Variants in ZEB2 observed in about 807,000 individuals in gnomAD.
ZEB2 encodes the protein zinc finger E-box binding homeobox 2, also known as zinc finger E-box-binding homeobox 2.
Under a neutral mutation model 99.9 loss-of-function variants are expected in ZEB2, and 6 were observed. That is an observed-to-expected ratio of 0.06 (90% CI 0.03 to 0.12). The LOEUF is 0.12. Ranked by LOEUF, ZEB2 falls within the 10% of genes least tolerant of loss-of-function variation. ZEB2 has a pLI of 1.00. For missense variants in ZEB2, 969 were observed against 1,502.8 expected, an observed-to-expected ratio of 0.64 and a Z score of 5.87; for synonymous variants, 517 against 542.5, an observed-to-expected ratio of 0.95 and a Z score of 0.65.
At chr2:144,406,315 A>G (rs1217752324) in intron 4 of ZEB2, among the ~76,000 whole-genome samples, 1 of 152,212 alleles carries the variant, frequency 6.6e-6, no homozygotes, top group Non-Finnish European at 1.5e-5. Flanking sequence ...AAACAGTTCT[A>G]GGCTCATCCT....
chr2:144,476,304 G>A (rs1704429527), intron 2 of ZEB2, among the ~76,000 whole-genome samples: 1 of 152,104 alleles, frequency 6.6e-6, no homozygotes, highest in African/African-American at 2.4e-5. Flanking sequence ...ATGGCTTCAT[G>A]CTTCACTAAA....
chr2:144,493,927 C>T (rs1331146951), intron 2 of ZEB2, among the ~76,000 whole-genome samples: 1 of 151,818 alleles, frequency 6.6e-6, no homozygotes, highest in East Asian at 1.9e-4. Flanking sequence ...CCGAGGCGGG[C>T]GGATCACGAG....
At chr2:144,439,718 C>A (rs1013656510) in intron 2 of ZEB2, among the ~76,000 whole-genome samples, 4 of 152,152 alleles carry the variant, frequency 2.6e-5, no homozygotes, top group African/African-American at 9.7e-5. Context: ...AAAATAGGAG[C>A]CTTTTTGTTC....
intron 3 of ZEB2, chr2:144,429,183 C>T (rs1230525087): frequency 6.5e-6 from 1 of 152,928 alleles, no homozygotes. Context: ...AGAGTCCCAC[C>T]AAACAGCAGG....
chr2:144,488,338 T>C (rs931090224), intron 2 of ZEB2, among the ~76,000 whole-genome samples: 1 of 152,222 alleles, frequency 6.6e-6, no homozygotes, highest in African/African-American at 2.4e-5. Context: ...GAGATTTAAA[T>C]ACAGTGGAAC....
At chr2:144,479,227 A>G (rs1016939729) in intron 2 of ZEB2, among the ~76,000 whole-genome samples, 2 of 152,222 alleles carry the variant, frequency 1.3e-5, no homozygotes, top group African/African-American at 4.8e-5. Context: ...CTTGCATTTC[A>G]TTTGAACTTG....
In ZEB2 at chr2:144,389,740, T is replaced by C. The variant is rs137852983; in HGVS notation, c.3356A>G (p.Gln1119Arg). ...NRAYLQSITP[Q>R]GYSDSEERES... ...CCTCTCCTCCGAGTCAGAGTACCCC[T>C]GAGGGGTAATGCTCTGCAAGTAAGC... The change falls in exon 10 of 10, where the codon CAG becomes CGG. Residue 1119 changes from glutamine to arginine, a missense_variant. Physicochemically the swap from Gln to Arg is conservative, Grantham distance 43. Coordinates refer to ENST00000627532, the MANE Select transcript of ZEB2 (RefSeq NM_014795.4). The surrounding 1 kb of genome is among the most constrained non-coding windows in gnomAD (Gnocchi z 6.8). 6.2e-7 allele frequency: 1 copy of C among 1,611,738 alleles called. No homozygotes were observed. Among genetic ancestry groups the C allele is most frequent in the Non-Finnish European group, 8.5e-7 (1 of 1,178,516 alleles).
chr2:144,493,451 T>C (rs1339660235), intron 2 of ZEB2, among the ~76,000 whole-genome samples: 1 of 152,206 alleles, frequency 6.6e-6, no homozygotes, highest in Non-Finnish European at 1.5e-5. Flanking sequence ...CAGGGGCACA[T>C]GGCATGGAGA....
chr2:144,508,426 T>C (rs1423654096), intron 2 of ZEB2, among the ~76,000 whole-genome samples: 3 of 152,194 alleles, frequency 2.0e-5, no homozygotes, highest in African/African-American at 7.2e-5. Context: ...TGTAACAACA[T>C]AGCAAACACC....
rs748766289 is a variant in ZEB2 at position 144,519,978 on chromosome 2, G to C, written c.-109C>G. 2 of 454,400 alleles carry C rather than the reference G, an allele frequency of 4.4e-6. No homozygotes were observed. The highest frequency in any genetic ancestry group is 8.8e-6 in the Non-Finnish European group (2 of 226,786). 28.1% of individuals were successfully genotyped at this position (454,400 alleles called of 1,614,324 possible). A position where few individuals can be genotyped will look rare whatever the true frequency, so the allele number is the denominator to read the frequency against. ...TTGTAGTTTTGGCCAGAAATGGTGA[G>C]AAGAAAAAGCATGAAGAAGCCGCGA... On this transcript the variant is annotated 5_prime_UTR_variant, in exon 1 of 10. Transcript: ENST00000627532.
At chr2:144,512,870 G>A (rs772235374) in intron 2 of ZEB2, 99 of 1,287,018 alleles carry the variant, frequency 7.7e-5, no homozygotes, top group Admixed American at 2.1e-4. Context: ...TCTTTGGAGC[G>A]CCCTCAGAAC....
At chr2:144,419,757 G>A (rs1052459234) in intron 4 of ZEB2, among the ~76,000 whole-genome samples, 8 of 151,802 alleles carry the variant, frequency 5.3e-5, no homozygotes, top group South Asian at 2.1e-4. Context: ...TTTATCTTAC[G>A]TGTGAAAGCA....
intron 2 of ZEB2, among the ~76,000 whole-genome samples, chr2:144,503,050 C>A (rs1212763540): frequency 1.3e-5 from 2 of 152,072 alleles, no homozygotes; most frequent in African/African-American, 4.8e-5. Context: ...GACTTTCAAC[C>A]AATGATCAAA....
At chr2:144,416,786 A>G (rs1275869387) in intron 4 of ZEB2, among the ~76,000 whole-genome samples, 2 of 152,154 alleles carry the variant, frequency 1.3e-5, no homozygotes, top group Non-Finnish European at 2.9e-5. Flanking sequence ...CTTTGTCTTG[A>G]AGAAAGTCTT....
chr2:144,470,418 C>A (rs1407424940), intron 2 of ZEB2: 1 of 152,080 alleles, frequency 6.6e-6, no homozygotes, highest in Admixed American at 6.6e-5. Flanking sequence ...TATCAGCTCA[C>A]CTTCTAAACA....
At chr2:144,483,022 T>C (rs1704536680) in intron 2 of ZEB2, among the ~76,000 whole-genome samples, 1 of 151,844 alleles carries the variant, frequency 6.6e-6, no homozygotes, top group Non-Finnish European at 1.5e-5. Flanking sequence ...TTCATTCAAC[T>C]TAGAAAACAT....
intron 2 of ZEB2, among the ~76,000 whole-genome samples, chr2:144,433,932 T>C (rs959771821): frequency 5.3e-5 from 8 of 152,210 alleles, no homozygotes; most frequent in African/African-American, 1.9e-4. Flanking sequence ...TGGCCTATCA[T>C]AGCATTTAAA....
chr2:144,424,760 G>C, intron 4 of ZEB2, 36 bp downstream of exon 4: 1 of 1,612,944 alleles, frequency 6.2e-7, no homozygotes, highest in Non-Finnish European at 8.5e-7. Context: ...CATGACACAG[G>C]ACAAATGTGA....
intron 2 of ZEB2, among the ~76,000 whole-genome samples, chr2:144,480,203 T>C (rs1704490904): frequency 6.6e-6 from 1 of 152,196 alleles, no homozygotes; most frequent in Non-Finnish European, 1.5e-5. Context: ...AAAAACTTTT[T>C]AGAAAATAGG....
Sources: allele counts gnomAD v4.1 joint callset (sites outside exome capture counted in the v4.1 genomes callset), GRCh38; gene constraint gnomAD v4.1.1; non-coding constraint Gnocchi (gnomAD v3.1); transcripts MANE v1.5; gene names NCBI Gene and HGNC (gene_info 2026-07-23, HGNC 2026-07-21).